The following SYNE1 variants were observed in gnomAD, a reference collection of about 807,000 sequenced individuals.
SYNE1 encodes spectrin repeat containing nuclear envelope protein 1, also known as nesprin-1.
Under a neutral mutation model 1,111.0 loss-of-function variants are expected in SYNE1, and 616 were observed. That is an observed-to-expected ratio of 0.55 (90% CI 0.52 to 0.59). The LOEUF (loss-of-function observed/expected upper bound fraction) is 0.59, where lower values mean the gene tolerates loss of function less well. Ranked by LOEUF, SYNE1 falls within the 20% of genes least tolerant of loss-of-function variation. SYNE1 has a pLI of 0.00. For missense variants in SYNE1, 10,006 were observed against 10,417.0 expected, an observed-to-expected ratio of 0.96 and a Z score of 1.72; for synonymous variants, 3,855 against 3,825.8, an observed-to-expected ratio of 1.01 and a Z score of -0.28.
intron 127 of SYNE1, 130 bp from the exon 128 acceptor site, chr6:152,189,537 G>C: frequency 1.2e-6 from 1 of 824,270 alleles, no homozygotes. Flanking sequence ...TTGGGATCTA[G>C]AGGCACATCA....
At chr6:152,491,158 A>G (rs866773734) in intron 11 of SYNE1, among the ~76,000 whole-genome samples, 11 of 146,646 alleles carry the variant, frequency 7.5e-5, no homozygotes, top group African/African-American at 2.6e-4. Flanking sequence ...ACATTCCACT[A>G]GTGTCTGATC....
chr6:152,503,844 T>C (rs964238338), intron 9 of SYNE1, among the ~76,000 whole-genome samples: 2 of 152,206 alleles, frequency 1.3e-5, no homozygotes, highest in Admixed American at 1.3e-4. Context: ...TAATACATGA[T>C]TTAACATAGT....
chr6:152,201,363 A>C (rs1334136704), intron 127 of SYNE1, among the ~76,000 whole-genome samples: 1 of 152,098 alleles, frequency 6.6e-6, no homozygotes, highest in Non-Finnish European at 1.5e-5. Flanking sequence ...GTGTGTCTCT[A>C]TGCAGTCACT....
At chr6:152,178,940 GTGTCACTC>G (rs1159657799) in intron 129 of SYNE1, among the ~76,000 whole-genome samples, 1 of 134,204 alleles carries the variant, frequency 7.5e-6, no homozygotes, top group Non-Finnish European at 1.5e-5. Flanking sequence ...TTGAGACAGA[GTGTCACTC>G]TGTCACCCAG....
chr6:152,210,780 G>A (rs2077382686), intron 124 of SYNE1, among the ~76,000 whole-genome samples: 1 of 152,144 alleles, frequency 6.6e-6, no homozygotes, highest in African/African-American at 2.4e-5. Flanking sequence ...TGTAAATATA[G>A]TATGAAATTG....
chr6:152,358,032 C>A (rs538181929), intron 66 of SYNE1, among the ~76,000 whole-genome samples: 1 of 152,160 alleles, frequency 6.6e-6, no homozygotes, highest in Non-Finnish European at 1.5e-5. Flanking sequence ...TGACTTCTGC[C>A]GCTGTCCCCC....
Position 152,526,135 on chromosome 6 carries a change from A to G in SYNE1, c.170T>C (p.Met57Thr), listed in dbSNP as rs2154353786. The part of the protein sequence containing the change: ...PMVVDDLFED[M>T]KDGVKLLALL... ...GGCAAGCAGTTTAACACCATCTTTC[A>G]TGTCTTCAAAAAGATCGTCCACCAC... Residue 57 changes from methionine to threonine, a missense_variant, in exon 5 of 146, where the codon ATG becomes ACG. Met to Thr is a moderately conservative substitution (Grantham distance 81, BLOSUM62 -1). This residue lies in a region of SYNE1 where 1,971 missense variants were observed against 2,084.1 expected (regional missense o/e 0.95). Coordinates refer to ENST00000367255, the MANE Select transcript of SYNE1 (RefSeq NM_182961.4). 4 of 1,614,096 alleles carry G rather than the reference A, an allele frequency of 2.5e-6. No homozygotes were observed. Among genetic ancestry groups the G allele is most frequent in the East Asian group, 2.2e-5 (1 of 44,874 alleles).
chr6:152,143,744 G>A lies in SYNE1; in HGVS notation c.24998C>T (p.Ser8333Leu). The A allele has an allele frequency of 6.2e-7, 1 of 1,614,150 alleles. No individual in the cohort carries two copies. The highest frequency in any genetic ancestry group is 8.5e-7 in the Non-Finnish European group (1 of 1,180,042). ...GGCTTTGCCCAGTTGTCGGATCTGT[G>A]ACTCTAGGGCACTGTGGTCCCCTGC... is the stretch of plus-strand genomic sequence containing the variant. Reference protein sequence around the residue: ...GLSGDHSALESQIRQLGKALD... With the variant: ...GLSGDHSALELQIRQLGKALD... The change falls in exon 138 of 146, where the codon TCA (serine) becomes TTA (leucine). Residue 8333 changes from serine (S) to leucine (L), a missense_variant. Ser to Leu is a moderately radical substitution (Grantham distance 145, BLOSUM62 -2). Coordinates refer to ENST00000367255, the MANE Select transcript of SYNE1 (RefSeq NM_182961.4).
chr6:152,499,876 T>C (rs1174652605), intron 10 of SYNE1, among the ~76,000 whole-genome samples: 3 of 152,220 alleles, frequency 2.0e-5, no homozygotes, highest in African/African-American at 7.2e-5. Flanking sequence ...ATTTATTTTC[T>C]GGATGATTAA....
Position 152,206,343 on chromosome 6 carries a change from A to C in SYNE1, c.22844T>G (p.Leu7615Arg). 6.2e-7 allele frequency: 1 copy of C among 1,613,876 alleles called. No individual in the cohort carries two copies. Residue 7615 changes from leucine (L) to arginine (R), a missense_variant, in exon 126 of 146, where the codon CTG (leucine) becomes CGG (arginine). Leu to Arg is a moderately radical substitution (Grantham distance 102, BLOSUM62 -2). Transcript: ENST00000367255. ...CAGGATGTAGCTGCCTTGTTGCCGC[A>C]GAAACACTTTTTCTTTGAACTGAAA... ...DEVQFKEKVF[L>R]RQQGSYILTV...
intron 77 of SYNE1, among the ~76,000 whole-genome samples, chr6:152,332,168 T>C (rs2096264151): frequency 6.6e-6 from 1 of 152,164 alleles, no homozygotes; most frequent in African/African-American, 2.4e-5. Flanking sequence ...GAGACAGGGT[T>C]TCACCATGTT....
At chr6:152,592,713 G>GTATAAAAGAAAA (rs2099570578) in intron 3 of SYNE1, among the ~76,000 whole-genome samples, 1 of 152,154 alleles carries the variant, frequency 6.6e-6, no homozygotes, top group Non-Finnish European at 1.5e-5. Flanking sequence ...TAAAATAAAA[G>GTATAAAAGAAAA]TATAAAAGAA....
At chr6:152,498,004 C>A (rs1270860002) in intron 11 of SYNE1, among the ~76,000 whole-genome samples, 1 of 151,998 alleles carries the variant, frequency 6.6e-6, no homozygotes, top group Non-Finnish European at 1.5e-5. Context: ...CATTTGTGTA[C>A]CATGTTCACA....
At chr6:152,510,155 T>G in intron 8 of SYNE1, 38 bp downstream of exon 8, 1 of 1,602,738 alleles carries the variant, frequency 6.2e-7, no homozygotes, top group Non-Finnish European at 8.5e-7. Flanking sequence ...ATAACTCAAT[T>G]TAACGGTTTC....
chr6:152,133,533 A>C, intron 142 of SYNE1, 45 bp from the exon 143 acceptor site: 1 of 1,588,650 alleles, frequency 6.3e-7, no homozygotes, highest in Non-Finnish European at 8.6e-7. Context: ...ATTTTTGATA[A>C]TTGGCAAAAG....
intron 3 of SYNE1, among the ~76,000 whole-genome samples, chr6:152,612,640 C>T (rs1022836817): frequency 6.6e-6 from 1 of 152,174 alleles, no homozygotes; most frequent in African/African-American, 2.4e-5. Context: ...TCCCCCCTAA[C>T]TCATTTTATG....
intron 5 of SYNE1, among the ~76,000 whole-genome samples, chr6:152,522,368 T>C (rs1220277818): frequency 3.9e-5 from 6 of 152,162 alleles, no homozygotes; most frequent in Admixed American, 2.6e-4. Context: ...TCCATCCAAA[T>C]TGCTGCAAAA....
At chr6:152,396,608 G>GA (rs1310763891) in intron 50 of SYNE1, among the ~76,000 whole-genome samples, 167 bp downstream of exon 50, 1 of 152,052 alleles carries the variant, frequency 6.6e-6, no homozygotes, top group Non-Finnish European at 1.5e-5. Flanking sequence ...TTCAGAGTCC[G>GA]AAAAATTGAT....
chr6:152,310,753 G>A lies in SYNE1; in HGVS notation c.16831C>T (p.Arg5611Trp), dbSNP rs369292604. 3.8e-5 allele frequency: 62 copies of A among 1,613,530 alleles called. No homozygotes were observed. In the African/African-American group the frequency reaches 4.5e-4, roughly 12 times the overall value. The change falls in exon 88 of 146, where the codon CGG (arginine) becomes TGG (tryptophan). Residue 5611 changes from arginine (R) to tryptophan (W), a missense_variant. Around this residue, in one of 7 missense-constraint regions of SYNE1, gnomAD observed 4,955 missense variants for 5,017.2 expected, o/e 0.99. Transcript: ENST00000367255. ...ATCTGTCGCAACTCCTCAGTCTCCC[G>A]TCCCAGTTCTGCCACTTGCTGAGAC... ...KMSQQVAELG[R>W]ETEELRQMIK...
Sources: allele counts gnomAD v4.1 joint callset (sites outside exome capture counted in the v4.1 genomes callset), GRCh38; gene constraint gnomAD v4.1.1; regional missense constraint gnomAD v4.1.1; transcripts MANE v1.5; gene names NCBI Gene and HGNC (gene_info 2026-07-23, HGNC 2026-07-21).